Variants in CTNNA2 observed in about 807,000 individuals in gnomAD.
The protein encoded by CTNNA2 is catenin alpha 2, also known as catenin alpha-2.
Under a neutral mutation model 101.0 loss-of-function variants are expected in CTNNA2, and 42 were observed. The ratio of observed to expected loss-of-function variants is 0.42; its 90% CI spans 0.32 to 0.54. The LOEUF (loss-of-function observed/expected upper bound fraction) is 0.54, where lower values mean the gene tolerates loss of function less well. Ranked by LOEUF, CTNNA2 falls within the 20% of genes least tolerant of loss-of-function variation. The probability of loss-of-function intolerance (pLI) is 0.14; values close to 1 mark genes in which losing one functional copy is unlikely to be tolerated. For missense variants in CTNNA2, 871 were observed against 1,223.1 expected (o/e 0.71, Z 4.29); for synonymous variants, 450 against 456.4 (o/e 0.99, Z 0.18).
At chr2:79,221,857 A>G (rs1371642370) in intron 2 of CTNNA2, among the ~76,000 whole-genome samples, 1 of 152,174 alleles carries the variant, frequency 6.6e-6, no homozygotes, top group African/African-American at 2.4e-5. Context: ...CCTCTCTACC[A>G]CCAGCCCAGG....
intron 3 of CTNNA2, among the ~76,000 whole-genome samples, chr2:79,778,718 TCCTTG>T (rs2105186926): frequency 6.6e-6 from 1 of 152,340 alleles, no homozygotes; most frequent in African/African-American, 2.4e-5. Context: ...GATTACATTT[TCCTTG>T]CCTTTCTTTC....
chr2:79,857,010 CA>C (rs1391303929), intron 3 of CTNNA2, among the ~76,000 whole-genome samples: 1 of 152,102 alleles, frequency 6.6e-6, no homozygotes, highest in African/African-American at 2.4e-5. Context: ...GGGTAAAATC[CA>C]AACCTCTTAC....
At chr2:80,048,248 G>T (rs1696655153) in intron 7 of CTNNA2, among the ~76,000 whole-genome samples, 1 of 152,090 alleles carries the variant, frequency 6.6e-6, no homozygotes, top group South Asian at 2.1e-4. Flanking sequence ...TAAAATATTT[G>T]CTGTTTATCT....
chr2:80,105,173 C>A (rs1459448544), intron 7 of CTNNA2, among the ~76,000 whole-genome samples: 1 of 152,174 alleles, frequency 6.6e-6, no homozygotes. Flanking sequence ...GTAAAATACA[C>A]CAACAGAATG....
intron 15 of CTNNA2, among the ~76,000 whole-genome samples, chr2:80,594,147 A>C (rs1696745738): frequency 6.6e-6 from 1 of 152,150 alleles, no homozygotes; most frequent in Admixed American, 6.5e-5. Context: ...CATCCTTGCC[A>C]AAACTTGTTT....
chr2:79,652,288 G>A (rs954948137), intron 2 of CTNNA2, among the ~76,000 whole-genome samples: 1 of 148,470 alleles, frequency 6.7e-6, no homozygotes, highest in Admixed American at 6.8e-5. Context: ...GTATTGTCCT[G>A]TGGCTGCTAT....
intron 17 of CTNNA2, chr2:80,613,132 TA>T (rs1698599107): frequency 6.6e-6 from 1 of 151,482 alleles, no homozygotes; most frequent in Non-Finnish European, 1.5e-5. Flanking sequence ...ACTTTGCTAG[TA>T]AAATGAGTTG....
chr2:79,981,526 A>T (rs554853221), intron 7 of CTNNA2, among the ~76,000 whole-genome samples: 1 of 152,144 alleles, frequency 6.6e-6, no homozygotes, highest in African/African-American at 2.4e-5. Context: ...TGTGACACTG[A>T]CACCTGTAAC....
intron 3 of CTNNA2, among the ~76,000 whole-genome samples, chr2:79,367,927 A>G (rs954687937): frequency 2.6e-5 from 4 of 152,200 alleles, no homozygotes; most frequent in African/African-American, 9.7e-5. Flanking sequence ...TTTATATACT[A>G]GAGAAAATAG....
At chr2:80,079,784 A>G (rs988618434) in intron 7 of CTNNA2, among the ~76,000 whole-genome samples, 1 of 149,888 alleles carries the variant, frequency 6.7e-6, no homozygotes, top group African/African-American at 2.5e-5. Flanking sequence ...ACTGCACTCC[A>G]GCCTGGCGAC....
intron 3 of CTNNA2, among the ~76,000 whole-genome samples, chr2:79,773,447 C>T (rs372091067): frequency 1.4e-4 from 22 of 152,000 alleles, no homozygotes; most frequent in African/African-American, 3.6e-4. Context: ...GGGGACAGCT[C>T]GAAGCAGGGA....
At chr2:79,922,603 A>G (rs1686743676) in intron 7 of CTNNA2, among the ~76,000 whole-genome samples, 1 of 149,244 alleles carries the variant, frequency 6.7e-6, no homozygotes, top group Non-Finnish European at 1.5e-5. Flanking sequence ...GTTTATTTTC[A>G]ACCACTTGTA....
At chr2:80,379,874 A>G (rs1299186421) in intron 7 of CTNNA2, among the ~76,000 whole-genome samples, 1 of 152,122 alleles carries the variant, frequency 6.6e-6, no homozygotes, top group Non-Finnish European at 1.5e-5. Flanking sequence ...TTTTAAGCCT[A>G]TGGACTATTG....
intron 3 of CTNNA2, among the ~76,000 whole-genome samples, chr2:79,820,304 C>T (rs765821993): frequency 2.6e-5 from 4 of 152,110 alleles, no homozygotes; most frequent in Admixed American, 6.6e-5. Context: ...TTATTGCATA[C>T]GTTTTTGTTT....
intron 7 of CTNNA2, among the ~76,000 whole-genome samples, chr2:80,039,383 A>T (rs1328464191): frequency 5.3e-5 from 8 of 152,212 alleles, no homozygotes; most frequent in African/African-American, 1.2e-4. Context: ...GGAAATGTGG[A>T]GCCCACGGGC....
chr2:80,326,673 A>T (rs554786834), intron 7 of CTNNA2, among the ~76,000 whole-genome samples: 1 of 152,204 alleles, frequency 6.6e-6, no homozygotes, highest in African/African-American at 2.4e-5. Flanking sequence ...GGGGGAGAAG[A>T]TAGAGATTCT....
At chr2:80,589,535 T>G in intron 15 of CTNNA2, 50 bp downstream of exon 15, 1 of 1,563,102 alleles carries the variant, frequency 6.4e-7, no homozygotes, top group Non-Finnish European at 8.7e-7. Flanking sequence ...AACCCAGAAG[T>G]GTAGCAGTGT....
At chr2:80,126,437 C>G (rs2148886849) in intron 7 of CTNNA2, among the ~76,000 whole-genome samples, 1 of 151,336 alleles carries the variant, frequency 6.6e-6, no homozygotes, top group Admixed American at 6.6e-5. Context: ...TGCTCTAAAT[C>G]TCTTACCTCC....
At chr2:80,312,478 G>A (rs1335473056) in intron 7 of CTNNA2, among the ~76,000 whole-genome samples, 1 of 152,196 alleles carries the variant, frequency 6.6e-6, no homozygotes, top group African/African-American at 2.4e-5. Context: ...CAGAGCAGAT[G>A]ACCAGGGGAA....
Sources: gnomAD v4.1 joint callset for allele counts (sites outside exome capture counted in the v4.1 genomes callset) on GRCh38, gnomAD v4.1.1 for gene constraint, MANE v1.5 for transcripts, NCBI Gene and HGNC (gene_info 2026-07-23, HGNC 2026-07-21) for gene names.